Variants in KLHL29 observed in about 807,000 individuals in gnomAD.
KLHL29 encodes kelch like family member 29, also known as kelch-like protein 29.
KLHL29 carries 21 observed loss-of-function variants against 80.4 expected under a neutral mutation model. The observed-to-expected ratio is 0.26, with a 90% CI of 0.19 to 0.38. The LOEUF (loss-of-function observed/expected upper bound fraction) is 0.38. Ranked by LOEUF, KLHL29 falls within the 10% of genes least tolerant of loss-of-function variation. The pLI, the probability that KLHL29 is intolerant of heterozygous loss-of-function variation, is 1.00. For missense variants in KLHL29, 867 were observed against 1,223.9 expected (o/e 0.71, Z 4.35); for synonymous variants, 511 against 526.8 (o/e 0.97, Z 0.41).
chr2:23,547,635 C>T (rs1214908469), intron 2 of KLHL29, among the ~76,000 whole-genome samples: 2 of 151,888 alleles, frequency 1.3e-5, no homozygotes, highest in Admixed American at 1.3e-4. Context: ...GTACTTCTAC[C>T]GATAGACATC....
chr2:23,432,020 C>A (rs1468178558), intron 1 of KLHL29, among the ~76,000 whole-genome samples: 1 of 151,884 alleles, frequency 6.6e-6, no homozygotes, highest in Non-Finnish European at 1.5e-5. Flanking sequence ...CCAGGGATAA[C>A]CACAGTTTAA....
At chr2:23,613,971 A>C (rs184206050) in intron 3 of KLHL29, among the ~76,000 whole-genome samples, 76 of 152,264 alleles carry the variant, frequency 5.0e-4, no homozygotes, top group African/African-American at 1.8e-3. Flanking sequence ...CTAAGATTTT[A>C]AAAACAAGCT....
chr2:23,419,986 G>C (rs1347262199), intron 1 of KLHL29, among the ~76,000 whole-genome samples: 1 of 152,192 alleles, frequency 6.6e-6, no homozygotes, highest in African/African-American at 2.4e-5. Context: ...ACAAAGGTTA[G>C]ATAAGGGCGT....
chr2:23,676,300 C>T (rs759513137), intron 5 of KLHL29, among the ~76,000 whole-genome samples: 10 of 152,128 alleles, frequency 6.6e-5, no homozygotes, highest in Non-Finnish European at 1.2e-4. Flanking sequence ...CTCCTGCCTC[C>T]GCCTCCTGAG....
chr2:23,516,605 C>T (rs1050119505), intron 2 of KLHL29, among the ~76,000 whole-genome samples: 7 of 152,172 alleles, frequency 4.6e-5, no homozygotes, highest in Non-Finnish European at 8.8e-5. Flanking sequence ...GCCCCATGGC[C>T]GTTGATGGCT....
chr2:23,493,248 C>G (rs917464348), intron 2 of KLHL29, among the ~76,000 whole-genome samples: 4 of 152,136 alleles, frequency 2.6e-5, no homozygotes, highest in African/African-American at 9.7e-5. Flanking sequence ...TGCTTCTCTG[C>G]TTGCTGTTTA....
chr2:23,468,766 C>T (rs566978298), intron 1 of KLHL29, among the ~76,000 whole-genome samples: 22 of 152,142 alleles, frequency 1.4e-4, no homozygotes, highest in African/African-American at 4.6e-4. Flanking sequence ...CCTGAAGAAC[C>T]GGGCCAACAG....
intron 2 of KLHL29, among the ~76,000 whole-genome samples, chr2:23,480,343 C>A (rs910011785): frequency 6.6e-6 from 1 of 152,054 alleles, no homozygotes; most frequent in Non-Finnish European, 1.5e-5. Context: ...AAAAATTAGC[C>A]GGGCATGGTG....
chr2:23,497,448 T>C (rs1166816727), intron 2 of KLHL29, among the ~76,000 whole-genome samples: 1 of 152,152 alleles, frequency 6.6e-6, no homozygotes, highest in Admixed American at 6.5e-5. Flanking sequence ...TACCCCGTTT[T>C]AGTTGCACAG....
At chr2:23,454,158 T>C (rs1663970239) in intron 1 of KLHL29, among the ~76,000 whole-genome samples, 1 of 152,208 alleles carries the variant, frequency 6.6e-6, no homozygotes, top group Admixed American at 6.5e-5. Flanking sequence ...ACACATTCGA[T>C]TGAGTCAGTT....
intron 3 of KLHL29, among the ~76,000 whole-genome samples, chr2:23,621,052 C>T (rs945608790): frequency 1.3e-5 from 2 of 152,262 alleles, no homozygotes; most frequent in African/African-American, 2.4e-5. Context: ...CACACTTCCA[C>T]CGCAGGAACA....
chr2:23,417,352 C>G (rs547420221), intron 1 of KLHL29, among the ~76,000 whole-genome samples: 9 of 152,338 alleles, frequency 5.9e-5, no homozygotes, highest in East Asian at 3.9e-4. Flanking sequence ...GTGTGGCCAT[C>G]ATGTGTGGCT....
chr2:23,456,591 C>T (rs926208625), intron 1 of KLHL29, among the ~76,000 whole-genome samples: 1 of 152,380 alleles, frequency 6.6e-6, no homozygotes. Context: ...GAAACATTCT[C>T]CCGCGCCAGC....
intron 6 of KLHL29, among the ~76,000 whole-genome samples, chr2:23,686,771 G>A (rs1671279526): frequency 6.6e-6 from 1 of 152,140 alleles, no homozygotes; most frequent in Non-Finnish European, 1.5e-5. Context: ...ACCCAGAGAG[G>A]TCTGAGGTTT....
chr2:23,663,430 G>A (rs755649111), intron 5 of KLHL29, among the ~76,000 whole-genome samples: 2 of 152,250 alleles, frequency 1.3e-5, no homozygotes, highest in South Asian at 2.1e-4. Flanking sequence ...CCGCGGCTCC[G>A]CCGTCACGTG....
intron 5 of KLHL29, among the ~76,000 whole-genome samples, chr2:23,652,532 C>T (rs1670114291): frequency 6.6e-6 from 1 of 152,178 alleles, no homozygotes; most frequent in African/African-American, 2.4e-5. Context: ...CTCAGCTGCT[C>T]ATCCTGTGAA....
intron 2 of KLHL29, among the ~76,000 whole-genome samples, chr2:23,497,317 C>T (rs1311111850): frequency 1.3e-5 from 2 of 152,182 alleles, no homozygotes; most frequent in Admixed American, 6.5e-5. Context: ...TTTCCTTCCT[C>T]TGTCCCTCCA....
At chr2:23,685,789 G>C (rs1012647732) in intron 6 of KLHL29, among the ~76,000 whole-genome samples, 1 of 152,240 alleles carries the variant, frequency 6.6e-6, no homozygotes, top group Non-Finnish European at 1.5e-5. Flanking sequence ...GCCTCACCAG[G>C]CCAGGGAGGA....
chr2:23,386,654 G>C (rs892921636), intron 1 of KLHL29, among the ~76,000 whole-genome samples: 1 of 152,130 alleles, frequency 6.6e-6, no homozygotes, highest in East Asian at 1.9e-4. Flanking sequence ...CTCGCGTCCC[G>C]GTCTCCGTGG....
Sources: gnomAD v4.1 joint callset for allele counts (sites outside exome capture counted in the v4.1 genomes callset) on GRCh38, gnomAD v4.1.1 for gene constraint, MANE v1.5 for transcripts, NCBI Gene and HGNC (gene_info 2026-07-23, HGNC 2026-07-21) for gene names.